PPM1L: variants seen among roughly 807,000 people sequenced by gnomAD.
PPM1L encodes protein phosphatase 1L.
Under a neutral mutation model 31.4 loss-of-function variants are expected in PPM1L, and 13 were observed. That is an observed-to-expected ratio of 0.41 (90% confidence interval 0.27 to 0.66). The LOEUF is 0.66. Among genes scored for constraint, PPM1L ranks in the 30% least tolerant of loss-of-function variants. PPM1L has a pLI of 0.29. For synonymous variants in PPM1L, 184 were observed against 175.4 expected (o/e 1.05, Z -0.39); for missense variants, 326 against 453.7 (o/e 0.72, Z 2.56).
intron 1 of PPM1L, among the ~76,000 whole-genome samples, chr3:160,789,257 G>T (rs1406505298): frequency 1.3e-5 from 2 of 151,662 alleles, no homozygotes; most frequent in African/African-American, 2.4e-5. Context: ...ATCGTTTATG[G>T]CATAATGTTT....
chr3:161,066,892 C>T (rs753046576), intron 3 of PPM1L, among the ~76,000 whole-genome samples: 17 of 152,202 alleles, frequency 1.1e-4, no homozygotes, highest in Non-Finnish European at 2.4e-4. Flanking sequence ...AATTTTATTA[C>T]AATCTCCTGC....
chr3:161,011,448 C>T (rs1262560970), intron 2 of PPM1L, among the ~76,000 whole-genome samples: 13 of 152,094 alleles, frequency 8.5e-5, no homozygotes, highest in African/African-American at 1.2e-4. Context: ...AGTCAGGTAG[C>T]GTGATGCCTC....
intron 1 of PPM1L, among the ~76,000 whole-genome samples, chr3:160,910,279 T>TTCCCCTTCCCCTTCCCCTTCCCCTC (rs1713922969): frequency 1.0e-5 from 1 of 99,484 alleles, no homozygotes; most frequent in African/African-American, 4.3e-5. Context: ...CCCTTCCCCT[T>TTCCCCTTCCCCTTCCCCTTCCCCTC]CCCTTTCCCC....
At chr3:160,809,701 A>T (rs1359176830) in intron 1 of PPM1L, among the ~76,000 whole-genome samples, 2 of 151,976 alleles carry the variant, frequency 1.3e-5, no homozygotes, top group Non-Finnish European at 2.9e-5. Flanking sequence ...CCATCTCTCC[A>T]GTGGGACAGT....
chr3:160,877,301 C>T (rs1395679427), intron 1 of PPM1L, among the ~76,000 whole-genome samples: 1 of 152,174 alleles, frequency 6.6e-6, no homozygotes, highest in Non-Finnish European at 1.5e-5. Flanking sequence ...TTGGAGTTCT[C>T]ATCTCCAAGT....
At chr3:161,011,234 T>C (rs1717884016) in intron 2 of PPM1L, among the ~76,000 whole-genome samples, 1 of 152,248 alleles carries the variant, frequency 6.6e-6, no homozygotes, top group East Asian at 1.9e-4. Flanking sequence ...TTTCTACATA[T>C]GGCAAGCCAG....
chr3:160,773,793 T>C (rs754473965), intron 1 of PPM1L, among the ~76,000 whole-genome samples: 28 of 152,166 alleles, frequency 1.8e-4, no homozygotes, highest in Non-Finnish European at 2.9e-4. Flanking sequence ...TGTTTTCAGC[T>C]CTCATCTTTG....
At chr3:160,859,818 G>A (rs1030529796) in intron 1 of PPM1L, among the ~76,000 whole-genome samples, 2 of 152,170 alleles carry the variant, frequency 1.3e-5, no homozygotes, top group African/African-American at 4.8e-5. Flanking sequence ...CCTGGGAGCT[G>A]CCTGATAAAA....
intron 2 of PPM1L, among the ~76,000 whole-genome samples, chr3:160,982,152 G>T (rs1358499400): frequency 6.6e-6 from 1 of 152,136 alleles, no homozygotes; most frequent in Non-Finnish European, 1.5e-5. Context: ...ATGGCTTTAG[G>T]ATTATTTAGA....
chr3:160,762,854 G>A (rs919501064), intron 1 of PPM1L, among the ~76,000 whole-genome samples: 7 of 152,008 alleles, frequency 4.6e-5, no homozygotes, highest in Non-Finnish European at 7.4e-5. Context: ...CATTCTAGAA[G>A]CTCATTCATT....
intron 1 of PPM1L, among the ~76,000 whole-genome samples, chr3:160,777,663 T>G (rs182504025): frequency 2.0e-5 from 3 of 152,328 alleles, no homozygotes; most frequent in Non-Finnish European, 4.4e-5. Context: ...GTCCTAAAGA[T>G]TCATCTATCT....
chr3:160,835,935 T>C (rs1166725770), intron 1 of PPM1L, among the ~76,000 whole-genome samples: 1 of 152,104 alleles, frequency 6.6e-6, no homozygotes, highest in Non-Finnish European at 1.5e-5. Context: ...TATCTAGGGA[T>C]ACCCCCTGGA....
intron 1 of PPM1L, among the ~76,000 whole-genome samples, chr3:160,950,138 T>C (rs548656915): frequency 1.3e-5 from 2 of 152,254 alleles, no homozygotes; most frequent in African/African-American, 4.8e-5. Context: ...ATCTTCACTT[T>C]CATACTTTAC....
intron 2 of PPM1L, among the ~76,000 whole-genome samples, chr3:161,028,909 G>C (rs1046983558): frequency 9.2e-5 from 14 of 152,162 alleles, no homozygotes; most frequent in African/African-American, 3.4e-4. Flanking sequence ...ATGAACTGTG[G>C]TCAGTATGGA....
At chr3:160,846,870 T>A (rs115379945) in intron 1 of PPM1L, among the ~76,000 whole-genome samples, 3,467 of 152,200 alleles carry the variant, frequency 0.023, 126 homozygotes, top group African/African-American at 0.079. Flanking sequence ...TATTTATTTA[T>A]TTTTTACTAG....
chr3:161,035,387 C>T (rs1467339102), intron 2 of PPM1L, among the ~76,000 whole-genome samples: 2 of 152,138 alleles, frequency 1.3e-5, no homozygotes, highest in African/African-American at 4.8e-5. Context: ...GCCCCTCGGC[C>T]AAAGAGGAAA....
intron 1 of PPM1L, among the ~76,000 whole-genome samples, chr3:160,931,284 T>C (rs763384221): frequency 6.6e-6 from 1 of 152,194 alleles, no homozygotes; most frequent in Non-Finnish European, 1.5e-5. Flanking sequence ...GACCATCCTG[T>C]ACCACACCAG....
chr3:160,761,256 G>A (rs916628495), intron 1 of PPM1L, among the ~76,000 whole-genome samples: 1 of 152,172 alleles, frequency 6.6e-6, no homozygotes, highest in Admixed American at 6.5e-5. Context: ...AGCTCTGCAA[G>A]GAACTGTGTA....
intron 1 of PPM1L, among the ~76,000 whole-genome samples, chr3:160,820,256 T>TA (rs1440726841): frequency 1.3e-5 from 2 of 152,122 alleles, no homozygotes; most frequent in Non-Finnish European, 2.9e-5. Flanking sequence ...TTAGATAAAG[T>TA]ACATGATGAT....
Sources: gnomAD v4.1 joint callset for allele counts (sites outside exome capture counted in the v4.1 genomes callset) on GRCh38, gnomAD v4.1.1 for gene constraint, MANE v1.5 for transcripts, NCBI Gene and HGNC (gene_info 2026-07-23, HGNC 2026-07-21) for gene names.